Variants in SAMD12 observed in about 807,000 individuals in gnomAD.
The protein encoded by SAMD12 is sterile alpha motif domain-containing protein 12.
Under a neutral mutation model 15.0 loss-of-function variants are expected in SAMD12, and 9 were observed. The ratio of observed to expected loss-of-function variants is 0.60; its 90% CI spans 0.36 to 1.05. The LOEUF (loss-of-function observed/expected upper bound fraction) is 1.05. Ranked by LOEUF, SAMD12 falls within the 50% of genes least tolerant of loss-of-function variation. The pLI is 0.01. For synonymous variants in SAMD12, 86 were observed against 90.1 expected (o/e 0.96, Z 0.25); for missense variants, 230 against 234.2 (o/e 0.98, Z 0.12).
At chr8:118,175,889 G>A in the SAMD12 span, among the ~76,000 whole-genome samples, 2 of 152,318 alleles carry the variant, frequency 1.3e-5, no homozygotes, top group South Asian at 2.1e-4. Flanking sequence ...ACTGTTGATG[G>A]GAATGTAAAT....
At chr8:118,602,210 T>C (rs1416677046) in intron 1 of SAMD12, among the ~76,000 whole-genome samples, 1 of 152,186 alleles carries the variant, frequency 6.6e-6, no homozygotes, top group Non-Finnish European at 1.5e-5. Context: ...GGTATTTCGG[T>C]TTGCACAACT....
At chr8:118,473,592 C>T (rs1372149151) in intron 2 of SAMD12, among the ~76,000 whole-genome samples, 1 of 152,186 alleles carries the variant, frequency 6.6e-6, no homozygotes, top group Non-Finnish European at 1.5e-5. Flanking sequence ...TCCACCAAGG[C>T]ATATGAGACC....
intron 2 of SAMD12, among the ~76,000 whole-genome samples, chr8:118,527,081 C>T (rs9297589): frequency 0.36 from 54,097 of 152,064 alleles, 9,782 homozygotes; most frequent in Admixed American, 0.41. Flanking sequence ...CATGAATCCT[C>T]TGTTTTCTCC....
At chr8:118,458,913 C>T (rs1823333624) in intron 2 of SAMD12, among the ~76,000 whole-genome samples, 1 of 151,714 alleles carries the variant, frequency 6.6e-6, no homozygotes, top group Non-Finnish European at 1.5e-5. Flanking sequence ...CTGTTTGCCC[C>T]ATTGTTCAAA....
intron 2 of SAMD12, among the ~76,000 whole-genome samples, chr8:118,548,161 T>C (rs1463950325): frequency 6.6e-6 from 1 of 152,202 alleles, no homozygotes; most frequent in Non-Finnish European, 1.5e-5. Context: ...AGTTCCCATG[T>C]TAGTGCTTTT....
chr8:118,186,619 T>C (rs1819247621), downstream of SAMD12, among the ~76,000 whole-genome samples: 1 of 151,874 alleles, frequency 6.6e-6, no homozygotes, highest in Non-Finnish European at 1.5e-5. Context: ...GAAAAATTGA[T>C]AAAGAAAATC....
intron 4 of SAMD12, among the ~76,000 whole-genome samples, chr8:118,311,588 T>C (rs1815633862): frequency 6.6e-6 from 1 of 152,226 alleles, no homozygotes; most frequent in African/African-American, 2.4e-5. Flanking sequence ...GTCTAGGTGA[T>C]TGAAAACAAG....
downstream of SAMD12, among the ~76,000 whole-genome samples, chr8:118,376,499 G>T (rs1819395036): frequency 6.6e-6 from 1 of 152,160 alleles, no homozygotes; most frequent in Non-Finnish European, 1.5e-5. Flanking sequence ...CACTGAATCT[G>T]CTGGCGCCCT....
At chr8:118,260,160 A>G (rs1193046793) in intron 4 of SAMD12, among the ~76,000 whole-genome samples, 1 of 152,108 alleles carries the variant, frequency 6.6e-6, no homozygotes, top group Non-Finnish European at 1.5e-5. Flanking sequence ...AAGTCTCACA[A>G]AATCCCAAAC....
intron 4 of SAMD12, among the ~76,000 whole-genome samples, chr8:118,207,285 G>A (rs1819887185): frequency 1.3e-5 from 2 of 152,200 alleles, no homozygotes; most frequent in African/African-American, 2.4e-5. Context: ...AATACAGGAT[G>A]ATGCATTTCT....
At chr8:118,212,354 A>G (rs1811854047) in intron 4 of SAMD12, among the ~76,000 whole-genome samples, 1 of 152,190 alleles carries the variant, frequency 6.6e-6, no homozygotes, top group African/African-American at 2.4e-5. Flanking sequence ...GATGCTGATT[A>G]AACTATGATA....
intron 4 of SAMD12, among the ~76,000 whole-genome samples, chr8:118,333,717 C>T (rs1452978169): frequency 6.6e-6 from 1 of 152,158 alleles, no homozygotes; most frequent in East Asian, 1.9e-4. Flanking sequence ...ACCCCATTCT[C>T]CTCTAGCCTC....
the SAMD12 span, among the ~76,000 whole-genome samples, chr8:118,167,859 A>G: frequency 6.6e-6 from 1 of 152,132 alleles, no homozygotes; most frequent in African/African-American, 2.4e-5. Flanking sequence ...GTTCAACTAC[A>G]GGTGTGTTCT....
In SAMD12 at chr8:118,327,166, C is replaced by T. The variant is rs1004094374; in HGVS notation, c.433+52394G>A. 2.6e-5 allele frequency among the ~76,000 whole-genome samples: 4 copies of T among 152,144 alleles called. No homozygotes were observed. In the East Asian group the frequency reaches 7.7e-4, roughly 29 times the overall value. On this transcript the variant is annotated intron_variant, in intron 4 of 4. Coordinates refer to the SAMD12 transcript ENST00000409003. ...ATTTTTCAGGAGCATGGGCTTGCAG[C>T]TTTTTGTTTCTGTGTGTGTGTGTTT...
chr8:118,150,950 GTA>G, the SAMD12 span, among the ~76,000 whole-genome samples: 1 of 152,136 alleles, frequency 6.6e-6, no homozygotes, highest in East Asian at 1.9e-4. Context: ...GCACACACCT[GTA>G]GTCCTAGCCT....
chr8:118,360,673 G>C (rs1818448366), intron 4 of SAMD12, among the ~76,000 whole-genome samples: 1 of 152,196 alleles, frequency 6.6e-6, no homozygotes, highest in Non-Finnish European at 1.5e-5. Flanking sequence ...TTGCCACAAA[G>C]GGTGGATGAT....
chr8:118,607,060 T>C (rs1183054922), intron 1 of SAMD12, among the ~76,000 whole-genome samples: 1 of 152,026 alleles, frequency 6.6e-6, no homozygotes, highest in Non-Finnish European at 1.5e-5. Flanking sequence ...TTCTGAAAAT[T>C]ATATCCTCTC....
At chr8:118,227,104 T>C (rs1046154751) in intron 4 of SAMD12, among the ~76,000 whole-genome samples, 1 of 152,030 alleles carries the variant, frequency 6.6e-6, no homozygotes, top group Non-Finnish European at 1.5e-5. Context: ...TAGCAAGACA[T>C]GGAATCAACC....
At chr8:118,499,530 T>C (rs569193166) in intron 2 of SAMD12, among the ~76,000 whole-genome samples, 19 of 152,322 alleles carry the variant, frequency 1.2e-4, no homozygotes, top group East Asian at 1.2e-3. Flanking sequence ...CCTGCCTATC[T>C]CAGAGAGTGG....
Sources: gnomAD v4.1 joint callset for allele counts (sites outside exome capture counted in the v4.1 genomes callset) on GRCh38, gnomAD v4.1.1 for gene constraint, MANE v1.5 for transcripts, NCBI Gene and HGNC (gene_info 2026-07-23, HGNC 2026-07-21) for gene names.